The following TTLL7 variants were observed in gnomAD, a reference collection of about 807,000 sequenced individuals.
TTLL7 encodes the protein tubulin tyrosine ligase like 7.
A neutral mutation model predicts 120.2 loss-of-function variants in TTLL7; 53 were observed. The observed-to-expected ratio is 0.44, with a 90% CI of 0.35 to 0.55. The LOEUF is 0.55. TTLL7 is among the 20% of genes least tolerant of loss of function. The pLI, the probability that TTLL7 is intolerant of heterozygous loss-of-function variation, is 0.00. For missense variants in TTLL7, 803 were observed against 1,054.7 expected (o/e 0.76, Z 3.31); for synonymous variants, 353 against 351.7 (o/e 1.00, Z -0.04).
At chr1:83,905,441 A>G (rs181549562) in intron 17 of TTLL7, among the ~76,000 whole-genome samples, 357 of 151,774 alleles carry the variant, frequency 2.4e-3, no homozygotes, top group African/African-American at 8.2e-3. Context: ...TCTAAAGTAT[A>G]TGCTAAAAAA....
At chr1:83,887,255 G>C in intron 19 of TTLL7, 1 of 1,240,960 alleles carries the variant, frequency 8.1e-7, no homozygotes, top group Non-Finnish European at 1.0e-6. Flanking sequence ...CAAACACTTG[G>C]ATTATATTTT....
At position 83,865,116 on chromosome 1, in the gene TTLL7, A is replaced by G. The variant is rs1164479729; in HGVS notation, c.*4846T>C. On this transcript the variant is annotated 3_prime_UTR_variant, in exon 21 of 21. Transcript: ENST00000260505. ...CAGATATCACATGCTGGAGCATGAC[A>G]ATGCAACGCTAATTGCACACTGTAT... The G allele has an allele frequency of 6.6e-6, 1 of 152,020 alleles. No individual in the cohort carries two copies. The highest frequency in any genetic ancestry group is 1.5e-5 in the Non-Finnish European group (1 of 67,922). The allele number at this position is 152,020 out of a possible 1,614,324, so 9.4% of individuals were successfully genotyped here.
In TTLL7 at chr1:83,951,646, T is replaced by C. The variant is rs559052002; in HGVS notation, c.157+199A>G. 1.9e-4 allele frequency among the ~76,000 whole-genome samples: 29 copies of C among 152,298 alleles called. No individual in the cohort carries two copies. The South Asian group carries it at 6.0e-3, about 32-fold the overall frequency. ...TTTGAACTGAAATTTTAGAAATCAGTTGGGATCTTTTTAAGGATATCATCT... is the reference window on the plus strand; with the variant it reads ...TTTGAACTGAAATTTTAGAAATCAGCTGGGATCTTTTTAAGGATATCATCT... On this transcript the variant is annotated intron_variant, in intron 3 of 20. Transcript: ENST00000260505.
intron 1 of TTLL7, among the ~76,000 whole-genome samples, chr1:83,964,502 T>G (rs1650278673): frequency 6.6e-6 from 1 of 152,170 alleles, no homozygotes; most frequent in African/African-American, 2.4e-5. Flanking sequence ...CTTTAATTAT[T>G]GTTTCATTAT....
Position 83,947,159 on chromosome 1 carries a change from A to G in TTLL7, c.471T>C (p.Phe157=). Residue 157 remains phenylalanine (F), a synonymous_variant, in exon 6 of 21, where the codon TTT becomes TTC. Transcript: ENST00000260505. ...TTGCACCATTAGCTGGTTTCACTAT[A>G]AAAGTTTTCTGCTTCCGTTTTTTCT... is the stretch of plus-strand genomic sequence containing the variant. ...ELKKKRKQKT[F]IVKPANGAMG... is the part of the protein sequence containing the mutation. The G allele has an allele frequency of 1.9e-6, 3 of 1,613,338 alleles. No homozygotes were observed. Among genetic ancestry groups the G allele is most frequent in the Middle Eastern group, 1.7e-4 (1 of 6,044 alleles).
At chr1:83,970,807 A>G (rs1380295465) in intron 1 of TTLL7, among the ~76,000 whole-genome samples, 1 of 152,012 alleles carries the variant, frequency 6.6e-6, no homozygotes, top group African/African-American at 2.4e-5. Flanking sequence ...CAGAGTAGGA[A>G]AAGCAGCCAA....
intron 12 of TTLL7, among the ~76,000 whole-genome samples, chr1:83,920,331 G>A (rs1193138121): frequency 6.6e-6 from 1 of 151,938 alleles, no homozygotes; most frequent in Non-Finnish European, 1.5e-5. Context: ...AGGTAATAAG[G>A]GATACTGCAG....
Position 83,925,893 on chromosome 1 carries a change from G to A in TTLL7, c.1142+3243C>T, listed in dbSNP as rs374344765. ...TCTCAGCACTTTGGGAGGCCGAGGCGGTGGATCACCTGAGGTCAGGAGTTC... is the reference window on the plus strand; with the variant it reads ...TCTCAGCACTTTGGGAGGCCGAGGCAGTGGATCACCTGAGGTCAGGAGTTC... On this transcript the variant is annotated intron_variant, in intron 10 of 20. Transcript: ENST00000260505. 4.7e-4 allele frequency among the ~76,000 whole-genome samples: 71 copies of A among 151,992 alleles called. 1 individual carries two copies. The South Asian group carries it at 0.013, about 28-fold the overall frequency.
At chr1:83,883,236 A>G in intron 19 of TTLL7, 100 bp from the exon 20 acceptor site, 1 of 898,978 alleles carries the variant, frequency 1.1e-6, no homozygotes, top group Non-Finnish European at 1.7e-6. Flanking sequence ...GGAAATAGAA[A>G]TGGTCTCATA....
intron 8 of TTLL7, among the ~76,000 whole-genome samples, chr1:83,935,354 G>A (rs186918010): frequency 7.9e-5 from 12 of 152,120 alleles, no homozygotes; most frequent in South Asian, 6.2e-4. Flanking sequence ...TTTTTGCTAC[G>A]TAGAAAATAA....
intron 4 of TTLL7, chr1:83,949,628 A>G: frequency 2.3e-6 from 1 of 432,254 alleles, no homozygotes; most frequent in Non-Finnish European, 4.0e-6. Context: ...GCCCAACCAG[A>G]AGAGGTTTTT....
chr1:83,918,555 C>T (rs1462320126), intron 13 of TTLL7, among the ~76,000 whole-genome samples: 1 of 152,232 alleles, frequency 6.6e-6, no homozygotes, highest in East Asian at 1.9e-4. Context: ...CCAAAATACT[C>T]TTATTATACA....
Position 83,952,298 on chromosome 1 carries a change from T to C in TTLL7, c.-87A>G. On this transcript the variant is annotated 5_prime_UTR_variant, in exon 2 of 21. In the 5' UTR this introduces an upstream ATG that the reference lacks. Transcript: ENST00000260505. ...AAATTCCACATTAGTCTAAGTAGGA[T>C]ATGGCCCCAAATCACTGAAAGTTCT... 2 of 1,406,736 alleles carry C rather than the reference T, an allele frequency of 1.4e-6. No homozygotes were observed. Among genetic ancestry groups the C allele is most frequent in the Non-Finnish European group, 2.0e-6 (2 of 1,008,784 alleles). The allele number at this position is 1,406,736 out of a possible 1,614,324, so 87.1% of individuals were successfully genotyped here.
At chr1:83,905,610 T>A (rs573622532) in intron 17 of TTLL7, among the ~76,000 whole-genome samples, 1 of 151,254 alleles carries the variant, frequency 6.6e-6, no homozygotes, top group South Asian at 2.1e-4. Context: ...TATATATTTA[T>A]AAATATACAT....
intron 18 of TTLL7, among the ~76,000 whole-genome samples, chr1:83,898,372 A>G (rs1414469988): frequency 6.6e-6 from 1 of 152,014 alleles, no homozygotes; most frequent in African/African-American, 2.4e-5. Context: ...ATGATGTCTC[A>G]CTTAAGCACA....
intron 18 of TTLL7, among the ~76,000 whole-genome samples, chr1:83,894,046 T>C (rs1015301001): frequency 4.6e-5 from 7 of 152,152 alleles, no homozygotes; most frequent in Admixed American, 3.9e-4. Flanking sequence ...ATTTAAGCTA[T>C]TAGTTTAACT....
intron 1 of TTLL7, among the ~76,000 whole-genome samples, chr1:83,985,574 A>C (rs999192576): frequency 1.3e-5 from 2 of 152,180 alleles, no homozygotes; most frequent in African/African-American, 4.8e-5. Context: ...CAGATTTTTT[A>C]AAAGATAAGA....
intron 19 of TTLL7, among the ~76,000 whole-genome samples, chr1:83,888,511 T>A (rs945889059): frequency 6.6e-6 from 1 of 152,010 alleles, no homozygotes; most frequent in Non-Finnish European, 1.5e-5. Context: ...ATGGAGAATA[T>A]TCTGAGATCA....
chr1:83,906,375 C>A lies in TTLL7; in HGVS notation c.2081G>T (p.Arg694Leu), dbSNP rs775035250. The A allele has an allele frequency of 3.1e-6, 5 of 1,612,274 alleles. No individual in the cohort carries two copies. The highest frequency in any genetic ancestry group is 1.6e-4 in the Middle Eastern group (1 of 6,066). Residue 694 changes from arginine to leucine, a missense_variant, in exon 17 of 21, where the codon CGG becomes CTG. Arg to Leu is a moderately radical substitution (Grantham distance 102). Around this residue, in one of 3 missense-constraint regions of TTLL7, gnomAD observed 388 missense variants for 450.4 expected, o/e 0.86. Coordinates refer to ENST00000260505, the MANE Select transcript of TTLL7 (RefSeq NM_024686.6). ...TLFVLKDMKI[R>L]FPGKSDAESE... ...TTCTGCATCTGACTTTCCTGGAAAC[C>A]GGATCTTCATGTCTTTGAGAACAAA...
Sources: gnomAD v4.1 joint callset for allele counts (sites outside exome capture counted in the v4.1 genomes callset) on GRCh38, gnomAD v4.1.1 for gene constraint, gnomAD v4.1.1 regional missense constraint, MANE v1.5 for transcripts, NCBI Gene and HGNC (gene_info 2026-07-23, HGNC 2026-07-21) for gene names.